NECAB2: variants seen among roughly 807,000 people sequenced by gnomAD.
NECAB2 encodes the protein N-terminal EF-hand calcium-binding protein 2.
Under a neutral mutation model 51.9 loss-of-function variants are expected in NECAB2, and 68 were observed. The ratio of observed to expected loss-of-function variants is 1.31; its 90% CI spans 1.08 to 1.60. The LOEUF (loss-of-function observed/expected upper bound fraction) is 1.60, where lower values mean the gene tolerates loss of function less well. Ranked by LOEUF, NECAB2 falls within the 40% of genes most tolerant of loss-of-function variation. The pLI is 0.00. For synonymous variants in NECAB2, 329 were observed against 203.5 expected (o/e 1.62, Z -5.25); for missense variants, 854 against 490.3 (o/e 1.74, Z -7.00).
intron 11 of NECAB2, among the ~76,000 whole-genome samples, chr16:84,001,002 A>C (rs570263773): frequency 5.3e-5 from 8 of 151,876 alleles, no homozygotes; most frequent in Non-Finnish European, 7.4e-5. Flanking sequence ...AGCCCCCACC[A>C]CACTCAGCTG....
chr16:83,997,772 C>T lies in NECAB2; in HGVS notation c.850-433C>T, dbSNP rs564800273. On this transcript the variant is annotated intron_variant, in intron 9 of 12. Coordinates refer to ENST00000305202, the MANE Select transcript of NECAB2 (RefSeq NM_019065.3). ...CCTCCTAAAGTGCTGAGATTACAGG[C>T]GTGAGCCACCACACCTGGCCCAGAG... Among the ~76,000 whole-genome samples the T allele has an allele frequency of 9.9e-5, 15 of 152,114 alleles. 1 individual carries two copies. In the South Asian group the frequency reaches 1.7e-3, roughly 17 times the overall value.
intron 10 of NECAB2, among the ~76,000 whole-genome samples, chr16:84,000,044 G>A (rs1015530223): frequency 6.8e-6 from 1 of 146,316 alleles, no homozygotes; most frequent in East Asian, 1.9e-4. Context: ...GTGCCACCAG[G>A]CCCAGCAAGT....
chr16:84,000,619 C>T, intron 10 of NECAB2, 105 bp from the exon 11 acceptor site: 3 of 813,844 alleles, frequency 3.7e-6, no homozygotes. Context: ...ACATTGAAGG[C>T]AGCCGTTGTG....
At chr16:84,001,303 G>C (rs1373256011) in intron 11 of NECAB2, among the ~76,000 whole-genome samples, 2 of 151,824 alleles carry the variant, frequency 1.3e-5, no homozygotes, top group Admixed American at 6.5e-5. Context: ...GACTATTGCT[G>C]ATGCGCCAGA....
At chr16:84,000,553 A>G (rs565712684) in intron 10 of NECAB2, among the ~76,000 whole-genome samples, 171 bp from the exon 11 acceptor site, 1 of 152,220 alleles carries the variant, frequency 6.6e-6, no homozygotes, top group Non-Finnish European at 1.5e-5. Context: ...GCCAGGCCTT[A>G]TTCCCTGTGC....
chr16:83,974,407 C>T (rs1204733158), intron 2 of NECAB2, among the ~76,000 whole-genome samples: 1 of 152,174 alleles, frequency 6.6e-6, no homozygotes, highest in Non-Finnish European at 1.5e-5. Flanking sequence ...ATCAATAAGT[C>T]CCCGCTGCTC....
At chr16:83,972,229 C>G in intron 2 of NECAB2, 54 bp downstream of exon 2, 3 of 1,611,630 alleles carry the variant, frequency 1.9e-6, no homozygotes, top group Non-Finnish European at 2.5e-6. Context: ...CCTCGTGCTT[C>G]ATGGGGAAGG....
upstream of NECAB2, among the ~76,000 whole-genome samples, chr16:83,968,111 G>A (rs2084308115): frequency 6.6e-6 from 1 of 151,642 alleles, no homozygotes; most frequent in Non-Finnish European, 1.5e-5. Context: ...GGCGGCCTGA[G>A]GGGGCGTGCA....
At position 83,994,305 on chromosome 16, in the gene NECAB2, G is replaced by C. The variant is rs745761650; in HGVS notation, c.600G>C (p.Gln200His). The change falls in exon 7 of 13, where the codon CAG (glutamine) becomes CAC (histidine). Residue 200 changes from glutamine to histidine, a missense_variant. Physicochemically the swap from Gln to His is conservative, Grantham distance 24. Transcript: ENST00000305202. ...AIEEQTSQLR[Q>H]NHIKPSHSAA... is the part of the protein sequence containing the mutation. ...TGTGTTCCCATCCAAACTGCAGACA[G>C]AACCACATCAAACCCAGCCACAGCG... 1.9e-6 allele frequency: 3 copies of C among 1,614,230 alleles called. No individual in the cohort carries two copies. The highest frequency in any genetic ancestry group is 1.3e-5 in the African/African-American group (1 of 75,070).
chr16:84,001,420 G>A (rs1479732925), intron 11 of NECAB2, among the ~76,000 whole-genome samples: 1 of 152,174 alleles, frequency 6.6e-6, no homozygotes, highest in African/African-American at 2.4e-5. Flanking sequence ...AGTGGGAACA[G>A]GGGCGGTCAT....
chr16:83,981,920 G>A (rs2084494119), intron 5 of NECAB2, among the ~76,000 whole-genome samples: 1 of 152,196 alleles, frequency 6.6e-6, no homozygotes, highest in South Asian at 2.1e-4. Context: ...AGCCTTGTCT[G>A]CCGGTTGAGG....
intron 9 of NECAB2, 33 bp downstream of exon 9, chr16:83,997,302 A>T (rs1439456223): frequency 6.2e-7 from 1 of 1,613,590 alleles, no homozygotes; most frequent in Admixed American, 1.7e-5. Flanking sequence ...TTCTGGGACC[A>T]CATCCCTACC....
rs904355034 is a variant in NECAB2 at position 83,992,379 on chromosome 16, C to CCCG, written c.596+1751_596+1752insGCC. Among the ~76,000 whole-genome samples the CCCG allele has an allele frequency of 5.8e-4, 83 of 143,568 alleles. 2 individuals carry two copies. The highest frequency in any genetic ancestry group is 2.3e-3 in the African/African-American group (80 of 35,486). 94.2% of individuals were successfully genotyped at this position (143,568 alleles called of 152,430 possible). On this transcript the variant is annotated intron_variant, in intron 6 of 12. Transcript: ENST00000305202. ...CTCCCGGGGAACACGAGCACCCGTC[C>CCCG]CCCCGCCCACCTCCATTTGCTGTTT...
chr16:83,984,293 C>T (rs568977406), intron 5 of NECAB2, among the ~76,000 whole-genome samples: 23 of 151,912 alleles, frequency 1.5e-4, no homozygotes, highest in Admixed American at 1.3e-3. Context: ...CCGCGCCCGG[C>T]GGAATATTTT....
chr16:83,978,784 A>G (rs2084449045), intron 3 of NECAB2, among the ~76,000 whole-genome samples: 1 of 152,006 alleles, frequency 6.6e-6, no homozygotes, highest in African/African-American at 2.4e-5. Context: ...ATGGCCAACT[A>G]AGGAGAGACT....
Position 84,002,535 on chromosome 16 carries a change from G to A in NECAB2, c.*189G>A. Reference sequence around the variant, plus strand: ...CACCTGAGAAGGCAGAGCAGTGTCTGTGCTGCCAGGTCCTGGTGAAGCCCA... The same window carrying A: ...CACCTGAGAAGGCAGAGCAGTGTCTATGCTGCCAGGTCCTGGTGAAGCCCA... On this transcript the variant is annotated 3_prime_UTR_variant, in exon 13 of 13. Coordinates refer to ENST00000305202, the MANE Select transcript of NECAB2 (RefSeq NM_019065.3). 1 of 717,686 alleles carries A rather than the reference G, an allele frequency of 1.4e-6. No individual in the cohort carries two copies. The highest frequency in any genetic ancestry group is 2.3e-6 in the Non-Finnish European group (1 of 431,840). 44.5% of individuals were successfully genotyped at this position (717,686 alleles called of 1,614,324 possible). A position where few individuals can be genotyped will look rare whatever the true frequency, so the allele number is the denominator to read the frequency against.
At chr16:83,965,662 G>C (rs758151031), upstream of NECAB2, 23 of 1,613,324 alleles carry the variant, frequency 1.4e-5, no homozygotes, top group Non-Finnish European at 1.7e-6. Flanking sequence ...GCCTCCCCAG[G>C]CACCAGCTGC....
chr16:83,996,228 C>T (rs1336459906), intron 8 of NECAB2, among the ~76,000 whole-genome samples: 2 of 152,190 alleles, frequency 1.3e-5, no homozygotes, highest in African/African-American at 4.8e-5. Flanking sequence ...CCCCAGGACC[C>T]CTCACGTATG....
intron 9 of NECAB2, 69 bp from the exon 10 acceptor site, chr16:83,998,136 G>T: frequency 2.2e-6 from 3 of 1,392,854 alleles, no homozygotes; most frequent in Non-Finnish European, 3.0e-6. Flanking sequence ...AGGTCATGGG[G>T]GCCTGATGGG....
Sources: allele counts gnomAD v4.1 joint callset (sites outside exome capture counted in the v4.1 genomes callset), GRCh38; gene constraint gnomAD v4.1.1; transcripts MANE v1.5; gene names NCBI Gene and HGNC (gene_info 2026-07-23, HGNC 2026-07-21).